The following PTPRZ1 variants were observed in gnomAD, a reference collection of about 807,000 sequenced individuals.
The protein encoded by PTPRZ1 is protein tyrosine phosphatase receptor type Z1.
Under a neutral mutation model 214.1 loss-of-function variants are expected in PTPRZ1, and 82 were observed. The observed-to-expected ratio is 0.38, with a 90% CI of 0.32 to 0.46. The LOEUF (loss-of-function observed/expected upper bound fraction) is 0.46, where lower values mean the gene tolerates loss of function less well. Among genes scored for constraint, PTPRZ1 ranks in the 20% least tolerant of loss-of-function variants. PTPRZ1 has a pLI of 1.00. For synonymous variants in PTPRZ1, 945 were observed against 987.9 expected (o/e 0.96, Z 0.81); for missense variants, 2,603 against 2,748.7 (o/e 0.95, Z 1.19).
chr7:121,932,784 A>G (rs1209400301), intron 2 of PTPRZ1, among the ~76,000 whole-genome samples: 2 of 152,198 alleles, frequency 1.3e-5, no homozygotes, highest in Admixed American at 1.3e-4. Context: ...TGAAGTAACA[A>G]TGTAAATCCC....
intron 2 of PTPRZ1, among the ~76,000 whole-genome samples, chr7:121,944,060 A>C (rs1796306423): frequency 6.6e-6 from 1 of 152,210 alleles, no homozygotes; most frequent in Non-Finnish European, 1.5e-5. Context: ...TATCTGCATC[A>C]ATAGAGATGA....
intron 25 of PTPRZ1, among the ~76,000 whole-genome samples, chr7:122,052,526 C>G: frequency 6.6e-6 from 1 of 152,132 alleles, no homozygotes; most frequent in East Asian, 1.9e-4. Context: ...TCCAAAACCT[C>G]TGTTCTATTT....
Position 121,978,321 on chromosome 7 carries a change from TCTAC to T in PTPRZ1, c.619+1473_619+1476del, listed in dbSNP as rs895229390. Among the ~76,000 whole-genome samples the T allele has an allele frequency of 3.0e-4, 45 of 152,306 alleles. 1 individual carries two copies. The highest frequency in any genetic ancestry group is 9.9e-4 in the African/African-American group (41 of 41,562). On this transcript the variant is annotated intron_variant, in intron 6 of 29. Coordinates refer to ENST00000393386, the MANE Select transcript of PTPRZ1 (RefSeq NM_002851.3). The stretch of plus-strand genomic sequence containing the variant: ...CCTTTACCCCCTCTCTCTCTGTCTC[TCTAC>T]CTCACTTGTATTAGTCCATTTTCAC...
intron 1 of PTPRZ1, among the ~76,000 whole-genome samples, chr7:121,914,376 A>G (rs1042090876): frequency 2.0e-5 from 3 of 152,140 alleles, no homozygotes; most frequent in Non-Finnish European, 4.4e-5. Flanking sequence ...ACAAAGGTGC[A>G]TATTGTTTAA....
Position 122,011,901 on chromosome 7 carries a change from A to C in PTPRZ1, c.2855A>C (p.Asp952Ala), listed in dbSNP as rs371158660. ...TACAGTTCTGCAATACCTGTGCATG[A>C]TTCTGTGGGTGTAACTTATCAGGGT... ...VSYSSAIPVH[D>A]SVGVTYQGSL... The change falls in exon 12 of 30, where the codon GAT becomes GCT. Residue 952 changes from aspartate to alanine, a missense_variant. Physicochemically the swap from Asp to Ala is moderately radical, Grantham distance 126 (BLOSUM62 -2). Transcript: ENST00000393386. 1.7e-5 allele frequency: 28 copies of C among 1,614,074 alleles called. No homozygotes were observed. The highest frequency in any genetic ancestry group is 2.2e-5 in the Non-Finnish European group (26 of 1,180,032).
intron 1 of PTPRZ1, among the ~76,000 whole-genome samples, chr7:121,881,017 ATGTT>A (rs1794222389): frequency 6.6e-6 from 1 of 152,162 alleles, no homozygotes; most frequent in South Asian, 2.1e-4. Flanking sequence ...TATGGACTGA[ATGTT>A]TGTGTCCTCT....
chr7:121,994,897 C>A (rs1355914911), intron 8 of PTPRZ1, among the ~76,000 whole-genome samples: 1 of 151,980 alleles, frequency 6.6e-6, no homozygotes, highest in Non-Finnish European at 1.5e-5. Flanking sequence ...CCTAAGCCCT[C>A]CCTAAACAAA....
intron 20 of PTPRZ1, among the ~76,000 whole-genome samples, chr7:122,039,965 G>C (rs1462257650): frequency 6.6e-6 from 1 of 150,800 alleles, no homozygotes; most frequent in Admixed American, 6.6e-5. Context: ...CTGGGCAACA[G>C]AGTGAGACTC....
chr7:121,908,316 T>C, intron 1 of PTPRZ1: 1 of 273,026 alleles, frequency 3.7e-6, no homozygotes, highest in Non-Finnish European at 7.1e-6. Flanking sequence ...AGCAGCTATA[T>C]GCATTGTAAG....
At chr7:122,013,977 G>A in intron 12 of PTPRZ1, 88 bp downstream of exon 12, 15 of 1,133,542 alleles carry the variant, frequency 1.3e-5, no homozygotes, top group South Asian at 6.5e-5. Flanking sequence ...ATAGAAATTT[G>A]GTAAAATGGT....
Position 122,013,171 on chromosome 7 carries a change from C to T in PTPRZ1, c.4125C>T (p.Ala1375=). The T allele has an allele frequency of 1.9e-6, 3 of 1,614,042 alleles. No individual in the cohort carries two copies. Among genetic ancestry groups the T allele is most frequent in the Non-Finnish European group, 2.5e-6 (3 of 1,179,940 alleles). ...HSVPIGNGHV[A]ITAVSPHRDG... is the part of the protein sequence containing the mutation. The stretch of plus-strand genomic sequence containing the variant: ...TTCCTATAGGAAATGGGCATGTTGC[C>T]ATTACAGCTGTTTCTCCCCACAGAG... The change falls in exon 12 of 30, where the codon GCC becomes GCT. Residue 1375 remains alanine, a synonymous_variant. Transcript: ENST00000393386.
At chr7:121,974,635 A>C (rs952986033) in intron 4 of PTPRZ1, among the ~76,000 whole-genome samples, 2 of 152,162 alleles carry the variant, frequency 1.3e-5, no homozygotes, top group East Asian at 1.9e-4. Flanking sequence ...TTACAGGTGC[A>C]TGCCACCATG....
intron 22 of PTPRZ1, among the ~76,000 whole-genome samples, chr7:122,043,554 G>A (rs1799794192): frequency 1.3e-5 from 2 of 152,100 alleles, no homozygotes; most frequent in African/African-American, 4.8e-5. Context: ...ACCTATGAAT[G>A]GCAGCTTGAA....
intron 23 of PTPRZ1, among the ~76,000 whole-genome samples, chr7:122,047,345 T>A (rs1206352): frequency 1.3e-5 from 2 of 151,938 alleles, no homozygotes; most frequent in African/African-American, 4.8e-5. Flanking sequence ...GATTTGGGGG[T>A]TGTTTATTTG....
intron 2 of PTPRZ1, among the ~76,000 whole-genome samples, chr7:121,959,182 C>G (rs1456816683): frequency 1.3e-5 from 2 of 152,130 alleles, no homozygotes; most frequent in African/African-American, 2.4e-5. Context: ...TAGAATTTTC[C>G]TAAATAAATT....
At chr7:121,980,420 T>C (rs1329477838) in intron 6 of PTPRZ1, among the ~76,000 whole-genome samples, 1 of 152,242 alleles carries the variant, frequency 6.6e-6, no homozygotes, top group Non-Finnish European at 1.5e-5. Context: ...TCTTAGTTCC[T>C]GAGAACTTGA....
At chr7:122,008,779 C>T (rs992936042) in intron 11 of PTPRZ1, among the ~76,000 whole-genome samples, 1 of 151,992 alleles carries the variant, frequency 6.6e-6, no homozygotes, top group Non-Finnish European at 1.5e-5. Context: ...TCCACACTGC[C>T]AAGCTTAACA....
chr7:122,054,089 T>G, intron 26 of PTPRZ1, 51 bp downstream of exon 26: 1 of 1,582,582 alleles, frequency 6.3e-7, no homozygotes, highest in Non-Finnish European at 8.6e-7. Flanking sequence ...GAATATCAGG[T>G]TACAAACAGC....
rs749158314 is a variant in PTPRZ1 at position 122,028,501 on chromosome 7, T to A, written c.4989-51T>A. The A allele has an allele frequency of 2.9e-6, 4 of 1,363,446 alleles. No homozygotes were observed. The South Asian group carries it at 4.9e-5, about 17-fold the overall frequency. 84.5% of individuals were successfully genotyped at this position (1,363,446 alleles called of 1,614,324 possible). On this transcript the variant is annotated intron_variant, in intron 13 of 29. Coordinates refer to ENST00000393386, the MANE Select transcript of PTPRZ1 (RefSeq NM_002851.3). ...AAATTTTCAAGCAGCTCAGAAATTG[T>A]CTTATTTTCCATAGCAACTAGTAGT...
Sources: gnomAD v4.1 joint callset for allele counts (sites outside exome capture counted in the v4.1 genomes callset) on GRCh38, gnomAD v4.1.1 for gene constraint, MANE v1.5 for transcripts, NCBI Gene and HGNC (gene_info 2026-07-23, HGNC 2026-07-21) for gene names.